Variants in CYB5B observed in about 807,000 individuals in gnomAD.
CYB5B encodes the protein cytochrome b5 type B (outer mitochondrial membrane).
A neutral mutation model predicts 21.3 loss-of-function variants in CYB5B; 14 were observed. That is an observed-to-expected ratio of 0.66 (90% CI 0.43 to 1.03). The LOEUF (loss-of-function observed/expected upper bound fraction) is 1.03, where lower values mean the gene tolerates loss of function less well. CYB5B is among the 50% of genes least tolerant of loss of function. The pLI, the probability that CYB5B is intolerant of heterozygous loss-of-function variation, is 0.00. For synonymous variants in CYB5B, 69 were observed against 68.4 expected, an observed-to-expected ratio of 1.01 and a Z score of -0.04; for missense variants, 166 against 185.1, an observed-to-expected ratio of 0.90 and a Z score of 0.60.
chr16:69,434,408 A>T (rs1046009308), intron 1 of CYB5B, among the ~76,000 whole-genome samples: 1 of 152,190 alleles, frequency 6.6e-6, no homozygotes, highest in Non-Finnish European at 1.5e-5. Context: ...TAGGAGTGAG[A>T]TTACTAGGTT....
chr16:69,438,153 C>T (rs1218220780), intron 1 of CYB5B, among the ~76,000 whole-genome samples: 3 of 152,144 alleles, frequency 2.0e-5, no homozygotes, highest in East Asian at 1.9e-4. Flanking sequence ...ATGGAATCAA[C>T]AATATTTGTC....
At chr16:69,458,767 A>G (rs911512089) in intron 3 of CYB5B, among the ~76,000 whole-genome samples, 2 of 152,226 alleles carry the variant, frequency 1.3e-5, no homozygotes, top group Non-Finnish European at 2.9e-5. Context: ...AACCAGGTAC[A>G]TCATCATGAC....
chr16:69,428,288 G>T (rs951680800), intron 1 of CYB5B, among the ~76,000 whole-genome samples: 3 of 152,124 alleles, frequency 2.0e-5, no homozygotes, highest in African/African-American at 7.2e-5. Flanking sequence ...AGATTACATG[G>T]CACAGGAGGC....
intron 1 of CYB5B, 140 bp from the exon 2 acceptor site, chr16:69,447,010 C>A: frequency 2.0e-6 from 2 of 981,194 alleles, no homozygotes; most frequent in Non-Finnish European, 3.0e-6. Context: ...CTTCCCATTG[C>A]ATCCTGTCAG....
intron 4 of CYB5B, among the ~76,000 whole-genome samples, chr16:69,461,034 C>A (rs2015030252): frequency 6.6e-6 from 1 of 152,062 alleles, no homozygotes; most frequent in African/African-American, 2.4e-5. Flanking sequence ...AATTTTCTGG[C>A]CGGCGTGGTG....
intron 1 of CYB5B, chr16:69,444,355 C>CGAGGCCTTCGTATGCTCCTCA (rs1419114565): frequency 1.3e-5 from 2 of 152,592 alleles, no homozygotes; most frequent in African/African-American, 4.8e-5. Flanking sequence ...GGGTTTTCGT[C>CGAGGCCTTCGTATGCTCCTCA]GAGGCCTTCG....
chr16:69,458,569 C>A (rs994354605), intron 3 of CYB5B, among the ~76,000 whole-genome samples: 2 of 152,024 alleles, frequency 1.3e-5, no homozygotes, highest in Admixed American at 1.3e-4. Context: ...GAAATCAATT[C>A]TAAGGTCTCC....
At chr16:69,431,943 T>C (rs1334144123) in intron 1 of CYB5B, among the ~76,000 whole-genome samples, 1 of 152,202 alleles carries the variant, frequency 6.6e-6, no homozygotes, top group Non-Finnish European at 1.5e-5. Flanking sequence ...AAGAGTGATC[T>C]GGGAAAGCCT....
chr16:69,438,703 T>G (rs2014787713), intron 1 of CYB5B, among the ~76,000 whole-genome samples: 1 of 152,226 alleles, frequency 6.6e-6, no homozygotes, highest in South Asian at 2.1e-4. Context: ...ATTGGTCATT[T>G]GTGTATTTAC....
intron 3 of CYB5B, among the ~76,000 whole-genome samples, chr16:69,457,948 A>C (rs561122894): frequency 1.3e-5 from 2 of 152,296 alleles, no homozygotes; most frequent in East Asian, 3.9e-4. Context: ...AAGCAGAGCT[A>C]ATATTCCATG....
chr16:69,437,363 A>T (rs2014771415), intron 1 of CYB5B, among the ~76,000 whole-genome samples: 1 of 152,214 alleles, frequency 6.6e-6, no homozygotes, highest in Non-Finnish European at 1.5e-5. Context: ...GTTTAAATAC[A>T]AAGCAAATCC....
chr16:69,439,015 G>C (rs2014792362), intron 1 of CYB5B, among the ~76,000 whole-genome samples: 1 of 151,926 alleles, frequency 6.6e-6, no homozygotes, highest in Admixed American at 6.6e-5. Flanking sequence ...TCATATCTAA[G>C]AATCCATTGT....
intron 3 of CYB5B, 101 bp from the exon 4 acceptor site, chr16:69,458,992 T>C: frequency 7.4e-6 from 8 of 1,083,854 alleles, no homozygotes; most frequent in Non-Finnish European, 1.1e-5. Flanking sequence ...TGGTATCAGT[T>C]ACAGGGTTGA....
intron 3 of CYB5B, among the ~76,000 whole-genome samples, chr16:69,455,862 T>C (rs1415443382): frequency 6.6e-6 from 1 of 152,118 alleles, no homozygotes; most frequent in Non-Finnish European, 1.5e-5. Context: ...AAGAGAATGG[T>C]GTTTTCTTCT....
At position 69,462,631 on chromosome 16, in the gene CYB5B, C is replaced by G. The variant is rs761664954; in HGVS notation, c.*111C>G. 2 of 858,480 alleles carry G rather than the reference C, an allele frequency of 2.3e-6. No homozygotes were observed. Among genetic ancestry groups the G allele is most frequent in the African/African-American group, 1.7e-5 (1 of 60,262 alleles). The allele number at this position is 858,480 out of a possible 1,614,324, so 53.2% of individuals were successfully genotyped here. A position where few individuals can be genotyped will look rare whatever the true frequency, so the allele number is the denominator to read the frequency against. The stretch of plus-strand genomic sequence containing the variant: ...CGAATCCTGCCAGTTGCATTCTTCC[C>G]CCTTGGAGCCAAGACGATTGGCCAG... On this transcript the variant is annotated 3_prime_UTR_variant, in exon 5 of 5. Coordinates refer to ENST00000307892, the MANE Select transcript of CYB5B (RefSeq NM_030579.3).
rs559884726 is a variant in CYB5B, at chr16:69,460,222, G to A, written c.362+1101G>A. Among the ~76,000 whole-genome samples, 40 of 150,686 alleles carry A rather than the reference G, an allele frequency of 2.7e-4. No individual in the cohort carries two copies. In the South Asian group the frequency reaches 7.5e-3, roughly 28 times the overall value. On this transcript the variant is annotated intron_variant, in intron 4 of 4. Transcript: ENST00000307892. The stretch of plus-strand genomic sequence containing the variant: ...GCACTCCAGCCTGGGCAACGAGAAC[G>A]AAACTCCATCTCAAAAAAAAAAACC...
At chr16:69,451,820 G>A (rs918536789) in intron 3 of CYB5B, among the ~76,000 whole-genome samples, 11 of 152,036 alleles carry the variant, frequency 7.2e-5, no homozygotes, top group Admixed American at 4.6e-4. Context: ...CCGTGGCGGC[G>A]GGCAACTGTA....
At chr16:69,455,400 CTTTTTTTTT>C (rs67183796) in intron 3 of CYB5B, among the ~76,000 whole-genome samples, 3 of 123,012 alleles carry the variant, frequency 2.4e-5, no homozygotes, top group East Asian at 2.3e-4. Flanking sequence ...TTGTTGTTCT[CTTTTTTTTT>C]TTTTTTTTTT....
intron 3 of CYB5B, 115 bp downstream of exon 3, chr16:69,448,259 G>A (rs2014897532): frequency 1.6e-6 from 2 of 1,244,368 alleles, no homozygotes; most frequent in Non-Finnish European, 1.1e-6. Context: ...TTTTCCCCAA[G>A]CAAAAATCCT....
Sources: gnomAD v4.1 joint callset for allele counts (sites outside exome capture counted in the v4.1 genomes callset) on GRCh38, gnomAD v4.1.1 for gene constraint, MANE v1.5 for transcripts, NCBI Gene and HGNC (gene_info 2026-07-23, HGNC 2026-07-21) for gene names.